The following GNL3L variants were observed in gnomAD, a reference collection of about 807,000 sequenced individuals.
GNL3L encodes G protein nucleolar 3 like, also known as guanine nucleotide-binding protein-like 3-like protein.
Under a neutral mutation model 42.9 loss-of-function variants are expected in GNL3L, and 4 were observed. The ratio of observed to expected loss-of-function variants is 0.09; its 90% CI spans 0.05 to 0.21. The LOEUF is 0.21. Among genes scored for constraint, GNL3L ranks in the 10% least tolerant of loss-of-function variants. The probability of loss-of-function intolerance (pLI) is 1.00; values close to 1 mark genes in which losing one functional copy is unlikely to be tolerated. For synonymous variants in GNL3L, 159 were observed against 176.3 expected, an observed-to-expected ratio of 0.90 and a Z score of 0.78; for missense variants, 412 against 481.7, an observed-to-expected ratio of 0.86 and a Z score of 1.36.
At chrX:54,547,043 C>CTTCTGT (rs1173373690) in intron 8 of GNL3L, among the ~76,000 whole-genome samples, 8 of 99,438 alleles carry the variant, frequency 8.0e-5, no homozygotes, top group Non-Finnish European at 1.4e-4. Flanking sequence ...ATCTCCCAGG[C>CTTCTGT]TGGGGTGCAC....
chrX:54,580,148 C>G (rs1310792002), intron 16 of GNL3L, among the ~76,000 whole-genome samples: 2 of 62,976 alleles, frequency 3.2e-5, no homozygotes, highest in Non-Finnish European at 5.5e-5. Context: ...TCCCTCCCCC[C>G]TCCCCCCACC....
intron 9 of GNL3L, among the ~76,000 whole-genome samples, chrX:54,548,753 A>T (rs1370428511): frequency 9.0e-6 from 1 of 111,131 alleles, no homozygotes; most frequent in Non-Finnish European, 1.9e-5. Flanking sequence ...TCTGGAGCAC[A>T]AGTTTCTGAG....
chrX:54,644,481 C>G, the GNL3L span, among the ~76,000 whole-genome samples: 1 of 112,025 alleles, frequency 8.9e-6, no homozygotes, highest in African/African-American at 3.2e-5. Context: ...CTTTTCCTTT[C>G]AAATGCTAAG....
At chrX:54,634,787 CTTTTTTT>C in the GNL3L span, among the ~76,000 whole-genome samples, 1 of 51,591 alleles carries the variant, frequency 1.9e-5, no homozygotes, top group Non-Finnish European at 3.5e-5. Context: ...GCGCCCGGCT[CTTTTTTT>C]TTTTTTTTTT....
the GNL3L span, among the ~76,000 whole-genome samples, chrX:54,628,027 A>G: frequency 2.2e-4 from 24 of 110,496 alleles, no homozygotes; most frequent in African/African-American, 7.6e-4. Flanking sequence ...TAAGTCCCCA[A>G]AGTCCATTGT....
the GNL3L span, among the ~76,000 whole-genome samples, chrX:54,635,751 TCAATCAAA>T: frequency 5.7e-3 from 610 of 107,473 alleles, 4 homozygotes; most frequent in African/African-American, 0.02. Context: ...AAAAAAAAAA[TCAATCAAA>T]CAAACAAAAA....
At chrX:54,642,003 A>G in the GNL3L span, among the ~76,000 whole-genome samples, 1 of 111,875 alleles carries the variant, frequency 8.9e-6, no homozygotes, top group Non-Finnish European at 1.9e-5. Flanking sequence ...CTCATCCAGA[A>G]ATTTCCTGCA....
chrX:54,643,293 T>A, the GNL3L span, among the ~76,000 whole-genome samples: 4 of 111,477 alleles, frequency 3.6e-5, no homozygotes, highest in Non-Finnish European at 7.5e-5. Context: ...GAAATAAATA[T>A]TCTTATTATA....
chrX:54,558,593 T>A lies in GNL3L; in HGVS notation c.1604T>A (p.Leu535Gln), dbSNP rs1189041581. 8.3e-7 allele frequency: 1 copy of A among 1,208,445 alleles called. No individual in the cohort carries two copies. Among genetic ancestry groups the A allele is most frequent in the Admixed American group, 2.2e-5 (1 of 45,615 alleles). The change falls in exon 15 of 16, where the codon CTG becomes CAG. Residue 535 changes from leucine to glutamine, a missense_variant. Physicochemically the swap from Leu to Gln is moderately radical, Grantham distance 113 (BLOSUM62 -2). Coordinates refer to ENST00000360845, the MANE Select transcript of GNL3L (RefSeq NM_001184819.2). Reference protein sequence around the residue: ...VLQRIMETDPLQQGQALASAL... With the variant: ...VLQRIMETDPQQQGQALASAL... The stretch of plus-strand genomic sequence containing the variant: ...CAGAGGATCATGGAGACGGACCCCC[T>A]GCAACAGGGCCAGGCTCTGGCATCT...
the GNL3L span, among the ~76,000 whole-genome samples, chrX:54,627,779 G>A: frequency 9.0e-6 from 1 of 111,229 alleles, no homozygotes; most frequent in African/African-American, 3.3e-5. Flanking sequence ...TTGTTTATTA[G>A]CATGTTGTTT....
intron 12 of GNL3L, 131 bp from the exon 13 acceptor site, chrX:54,552,158 CCTT>C (rs754289804): frequency 1.2e-4 from 99 of 802,763 alleles, no homozygotes; most frequent in East Asian, 9.5e-4. Flanking sequence ...CAACTCAACT[CCTT>C]CTTGTTCAGA....
At chrX:54,554,800 C>A in intron 14 of GNL3L, 108 bp downstream of exon 14, 4 of 684,487 alleles carry the variant, frequency 5.8e-6, no homozygotes, top group Middle Eastern at 3.7e-4. Context: ...GTAGTTCACT[C>A]GCTCCCTATG....
intron 16 of GNL3L, among the ~76,000 whole-genome samples, chrX:54,573,138 C>T (rs1414606914): frequency 5.4e-5 from 6 of 111,152 alleles, no homozygotes; most frequent in African/African-American, 1.3e-4. Context: ...ACTTCCCAGA[C>T]GGGGTGGCGG....
intron 16 of GNL3L, among the ~76,000 whole-genome samples, chrX:54,584,345 A>T (rs1219938966): frequency 1.8e-5 from 2 of 111,388 alleles, no homozygotes; most frequent in Non-Finnish European, 1.9e-5. Context: ...TTATATTTTT[A>T]AAAATTTTTA....
chrX:54,531,584 A>G (rs1924248728), intron 1 of GNL3L, among the ~76,000 whole-genome samples: 1 of 111,409 alleles, frequency 9.0e-6, no homozygotes, highest in Non-Finnish European at 1.9e-5. Context: ...GCTGACTTCA[A>G]CCAGCATAAA....
chrX:54,609,420 G>T (rs1430242282), intron 16 of GNL3L, among the ~76,000 whole-genome samples: 2 of 112,260 alleles, frequency 1.8e-5, no homozygotes, highest in African/African-American at 6.5e-5. Context: ...TGAAATCCTT[G>T]CCTAAGCCAA....
At position 54,562,265 on chromosome X, in the gene GNL3L, C is replaced by T. The variant is rs994976309; in HGVS notation, c.*1663C>T. Among the ~76,000 whole-genome samples, 2 of 112,082 alleles carry T rather than the reference C, an allele frequency of 1.8e-5. No individual in the cohort carries two copies. Among genetic ancestry groups the T allele is most frequent in the African/African-American group, 3.2e-5 (1 of 30,830 alleles). On this transcript the variant is annotated 3_prime_UTR_variant, in exon 16 of 16. Transcript: ENST00000360845. ...TTCACCATGTTGACCAGGCTGGTCT[C>T]GAACTCTTGACCTCAAGTGATCCAC...
chrX:54,567,488 A>G (rs1925466787), downstream of GNL3L, among the ~76,000 whole-genome samples: 1 of 109,724 alleles, frequency 9.1e-6, no homozygotes, highest in South Asian at 4.0e-4. Flanking sequence ...CTCTACTAAA[A>G]ATACAAAATT....
intron 2 of GNL3L, among the ~76,000 whole-genome samples, chrX:54,536,366 C>T (rs1279687758): frequency 4.5e-5 from 5 of 110,554 alleles, no homozygotes; most frequent in East Asian, 2.9e-4. Flanking sequence ...TGTGAGCCAT[C>T]GCTCCTGGCC....
Sources: gnomAD v4.1 joint callset for allele counts (sites outside exome capture counted in the v4.1 genomes callset) on GRCh38, gnomAD v4.1.1 for gene constraint, MANE v1.5 for transcripts, NCBI Gene and HGNC (gene_info 2026-07-23, HGNC 2026-07-21) for gene names.